Variants in SLC44A5 observed in about 807,000 individuals in gnomAD.
The protein encoded by SLC44A5 is solute carrier family 44 member 5.
A neutral mutation model predicts 101.8 loss-of-function variants in SLC44A5; 57 were observed. The ratio of observed to expected loss-of-function variants is 0.56; its 90% CI spans 0.45 to 0.70. The LOEUF (loss-of-function observed/expected upper bound fraction) is 0.70, where lower values mean the gene tolerates loss of function less well. Ranked by LOEUF, SLC44A5 falls within the 30% of genes least tolerant of loss-of-function variation. The pLI, the probability that SLC44A5 is intolerant of heterozygous loss-of-function variation, is 0.00. For missense variants in SLC44A5, 737 were observed against 853.1 expected, an observed-to-expected ratio of 0.86 and a Z score of 1.70; for synonymous variants, 281 against 290.9, an observed-to-expected ratio of 0.97 and a Z score of 0.35.
chr1:75,567,074 C>A (rs994921459), intron 1 of SLC44A5, among the ~76,000 whole-genome samples: 3 of 152,108 alleles, frequency 2.0e-5, no homozygotes, highest in African/African-American at 7.3e-5. Context: ...AGGGTGGGTG[C>A]TCAACCTATA....
At chr1:75,338,738 C>T (rs1016982155) in intron 4 of SLC44A5, among the ~76,000 whole-genome samples, 8 of 152,156 alleles carry the variant, frequency 5.3e-5, no homozygotes, top group East Asian at 1.9e-4. Context: ...ACTGAATATA[C>T]GTCTCTTTAA....
the SLC44A5 span, among the ~76,000 whole-genome samples, chr1:75,706,913 A>C: frequency 1.1e-4 from 16 of 152,116 alleles, no homozygotes; most frequent in Non-Finnish European, 2.4e-4. Context: ...ACTCTCCCTC[A>C]ATTGCAGCTT....
chr1:75,366,811 G>C lies in SLC44A5; in HGVS notation c.53-27181C>G, dbSNP rs192547676. ...CTGCATGACTGAGTCTGCTGTTTAT[G>C]CTCTCTATTAAATTTTTCAGTTCTG... On this transcript the variant is annotated intron_variant, in intron 3 of 23. Coordinates refer to ENST00000370859, the MANE Select transcript of SLC44A5 (RefSeq NM_001130058.2). 1.3e-3 allele frequency among the ~76,000 whole-genome samples: 199 copies of C among 152,052 alleles called. 3 individuals are homozygous for C. The highest frequency in any genetic ancestry group is 4.7e-3 in the African/African-American group (196 of 41,500).
chr1:75,568,522 T>C (rs1324091428), intron 1 of SLC44A5, among the ~76,000 whole-genome samples: 2 of 152,192 alleles, frequency 1.3e-5, no homozygotes, highest in East Asian at 3.8e-4. Flanking sequence ...CCCTCTATTA[T>C]CCTCCCCACT....
At position 75,595,666 on chromosome 1, in the gene SLC44A5, C is replaced by A. The variant is rs368300785; in HGVS notation, c.-70+15374G>T. Among the ~76,000 whole-genome samples the A allele has an allele frequency of 3.3e-5, 5 of 152,238 alleles. No homozygotes were observed. In the East Asian group the frequency reaches 5.8e-4, roughly 18 times the overall value. ...TGGCTGGCACCAGGACTCTTCCATT[C>A]ACTTGCATAATTTTTAAAAAAACTG... is the stretch of plus-strand genomic sequence containing the variant. On this transcript the variant is annotated intron_variant, in intron 1 of 23. Coordinates refer to ENST00000370859, the MANE Select transcript of SLC44A5 (RefSeq NM_001130058.2).
intron 16 of SLC44A5, 133 bp downstream of exon 16, chr1:75,219,124 C>T (rs1647023559): frequency 1.5e-6 from 1 of 678,900 alleles, no homozygotes; most frequent in Non-Finnish European, 2.6e-6. Flanking sequence ...TGCACACTCC[C>T]CACTTCAGCA....
At chr1:75,601,092 G>C (rs1036161150) in intron 1 of SLC44A5, among the ~76,000 whole-genome samples, 2 of 152,172 alleles carry the variant, frequency 1.3e-5, no homozygotes, top group African/African-American at 4.8e-5. Context: ...AACACAATGA[G>C]TTCCATGAGT....
At chr1:75,646,543 T>C in the SLC44A5 span, among the ~76,000 whole-genome samples, 1 of 152,112 alleles carries the variant, frequency 6.6e-6, no homozygotes, top group Non-Finnish European at 1.5e-5. Context: ...AAATCTCATA[T>C]TGAATTGCAA....
chr1:75,345,043 G>C (rs1428899776), intron 3 of SLC44A5, among the ~76,000 whole-genome samples: 1 of 151,996 alleles, frequency 6.6e-6, no homozygotes, highest in Non-Finnish European at 1.5e-5. Context: ...ATGTAATTTT[G>C]ATATCTTATA....
intron 2 of SLC44A5, among the ~76,000 whole-genome samples, chr1:75,513,046 G>A (rs532441691): frequency 1.8e-4 from 27 of 152,296 alleles, no homozygotes; most frequent in African/African-American, 6.3e-4. Context: ...TGAGAACCTT[G>A]AGCCTGAGAT....
intron 1 of SLC44A5, among the ~76,000 whole-genome samples, chr1:75,548,688 A>G (rs1324515930): frequency 6.6e-6 from 1 of 152,178 alleles, no homozygotes. Flanking sequence ...TCAATTGTTT[A>G]GAGTGAAAAT....
At chr1:75,474,600 G>A (rs769189132) in intron 2 of SLC44A5, among the ~76,000 whole-genome samples, 51 of 152,248 alleles carry the variant, frequency 3.3e-4, no homozygotes, top group Non-Finnish European at 5.3e-4. Flanking sequence ...AGGATGTTTT[G>A]TTTTGTTATT....
chr1:75,674,710 C>T, the SLC44A5 span, among the ~76,000 whole-genome samples: 10 of 144,968 alleles, frequency 6.9e-5, no homozygotes, highest in African/African-American at 1.7e-4. Flanking sequence ...AAATGAAGTG[C>T]ACCTACAGGA....
At chr1:75,262,487 A>G (rs1650607833) in intron 6 of SLC44A5, among the ~76,000 whole-genome samples, 1 of 152,228 alleles carries the variant, frequency 6.6e-6, no homozygotes, top group Non-Finnish European at 1.5e-5. Context: ...AAGAGAGGAC[A>G]TAAACAAATG....
At chr1:75,396,662 G>A (rs368067972) in intron 2 of SLC44A5, 41 bp from the exon 3 acceptor site, 9 of 1,508,608 alleles carry the variant, frequency 6.0e-6, no homozygotes, top group Admixed American at 1.7e-5. Context: ...ATTTGTAGGG[G>A]CTGATGACTC....
At chr1:75,457,747 C>T (rs1419190953) in intron 2 of SLC44A5, among the ~76,000 whole-genome samples, 1 of 151,982 alleles carries the variant, frequency 6.6e-6, no homozygotes, top group African/African-American at 2.4e-5. Flanking sequence ...AATCCAGCTA[C>T]TAGGGAGGCT....
chr1:75,204,944 A>C (rs774475256), intron 23 of SLC44A5: 1 of 152,232 alleles, frequency 6.6e-6, no homozygotes, highest in Non-Finnish European at 1.5e-5. Flanking sequence ...CTATTCTACT[A>C]GTCCTTTGTT....
At chr1:75,390,559 AC>A (rs1013013609) in intron 3 of SLC44A5, among the ~76,000 whole-genome samples, 2 of 152,198 alleles carry the variant, frequency 1.3e-5, no homozygotes, top group African/African-American at 4.8e-5. Context: ...AGAATTAAAA[AC>A]AAAGACCATA....
intron 2 of SLC44A5, among the ~76,000 whole-genome samples, chr1:75,423,689 C>A (rs963201653): frequency 6.6e-6 from 1 of 152,246 alleles, no homozygotes; most frequent in Non-Finnish European, 1.5e-5. Flanking sequence ...ATACTCCCTG[C>A]TCCCAGGACG....
Sources: allele counts gnomAD v4.1 joint callset (sites outside exome capture counted in the v4.1 genomes callset), GRCh38; gene constraint gnomAD v4.1.1; transcripts MANE v1.5; gene names NCBI Gene and HGNC (gene_info 2026-07-23, HGNC 2026-07-21).